FABP7: variants seen among roughly 807,000 people sequenced by gnomAD.
The protein encoded by FABP7 is fatty acid-binding protein, brain.
In FABP7, 13 loss-of-function variants were observed where a neutral mutation model predicts 14.2. The ratio of observed to expected loss-of-function variants is 0.91; its 90% CI spans 0.59 to 1.45. The LOEUF (loss-of-function observed/expected upper bound fraction) is 1.45, where lower values mean the gene tolerates loss of function less well. Among genes scored for constraint, FABP7 ranks in the 40% most tolerant of loss-of-function variants. The pLI, the probability that FABP7 is intolerant of heterozygous loss-of-function variation, is 0.00. For missense variants in FABP7, 149 were observed against 157.6 expected (o/e 0.95, Z 0.29); for synonymous variants, 49 against 51.4 (o/e 0.95, Z 0.20).
In FABP7 at chr6:122,780,462, A is replaced by G; in HGVS notation, c.245A>G (p.Lys82Arg). 6.2e-7 allele frequency: 1 copy of G among 1,610,494 alleles called. No homozygotes were observed. Among genetic ancestry groups the G allele is most frequent in the Non-Finnish European group, 8.5e-7 (1 of 1,179,152 alleles). The change falls in exon 2 of 4, where the codon AAG becomes AGG. Residue 82 changes from lysine to arginine, a missense_variant and splice_region_variant. Coordinates refer to ENST00000368444, the MANE Select transcript of FABP7 (RefSeq NM_001446.5). ...ACCACTGCAGATGATAGAAACTGTA[A>G]GGTGAGAAACTGCTTCTTCTTCAGA... Reference protein sequence around the residue: ...DETTADDRNCKSVVSLDGDKL... With the variant: ...DETTADDRNCRSVVSLDGDKL...
At chr6:122,759,964 C>G in the FABP7 span, among the ~76,000 whole-genome samples, 2 of 151,904 alleles carry the variant, frequency 1.3e-5, no homozygotes, top group African/African-American at 4.8e-5. Context: ...ACTAAAAATA[C>G]AAAAATTAGC....
At chr6:122,777,272 G>A (rs1780690363), upstream of FABP7, among the ~76,000 whole-genome samples, 1 of 152,102 alleles carries the variant, frequency 6.6e-6, no homozygotes, top group South Asian at 2.1e-4. Context: ...AACTGTTTGA[G>A]AACATTTACT....
At chr6:122,764,792 G>GTGTT in the FABP7 span, among the ~76,000 whole-genome samples, 1 of 152,138 alleles carries the variant, frequency 6.6e-6, no homozygotes, top group African/African-American at 2.4e-5. Flanking sequence ...TTGCCTTAAA[G>GTGTT]TGTTTGCCAT....
At chr6:122,756,441 A>G in the FABP7 span, among the ~76,000 whole-genome samples, 3 of 152,180 alleles carry the variant, frequency 2.0e-5, no homozygotes, top group Admixed American at 2.0e-4. Context: ...CCAATTAAAA[A>G]GGACTTCCTG....
At chr6:122,757,156 G>A in the FABP7 span, among the ~76,000 whole-genome samples, 29 of 152,122 alleles carry the variant, frequency 1.9e-4, no homozygotes, top group East Asian at 2.1e-3. Flanking sequence ...AAAGTCTACC[G>A]TCTGATATCT....
At chr6:122,763,503 C>T in the FABP7 span, among the ~76,000 whole-genome samples, 1 of 152,074 alleles carries the variant, frequency 6.6e-6, no homozygotes, top group Non-Finnish European at 1.5e-5. Context: ...ACTAAAATAC[C>T]AAAAGCAATG....
At chr6:122,772,776 T>A in the FABP7 span, among the ~76,000 whole-genome samples, 1 of 152,158 alleles carries the variant, frequency 6.6e-6, no homozygotes, top group African/African-American at 2.4e-5. Context: ...AATAGACAGA[T>A]AATTCACTCA....
chr6:122,780,828 A>G (rs554871916), intron 2 of FABP7, among the ~76,000 whole-genome samples: 202 of 152,324 alleles, frequency 1.3e-3, no homozygotes, highest in Non-Finnish European at 2.3e-3. Context: ...GGCTTTCTTT[A>G]GAGGGACGAC....
At chr6:122,783,498 A>G in intron 3 of FABP7, 1 of 985,460 alleles carries the variant, frequency 1.0e-6, no homozygotes, top group African/African-American at 1.7e-5. Context: ...ACTTGAATCT[A>G]AAGTGCTAAT....
upstream of FABP7, among the ~76,000 whole-genome samples, chr6:122,777,040 G>A (rs781189960): frequency 2.0e-5 from 3 of 152,252 alleles, no homozygotes; most frequent in Non-Finnish European, 4.4e-5. Flanking sequence ...TTTATCTAGA[G>A]AGTGGAAGAA....
upstream of FABP7, among the ~76,000 whole-genome samples, chr6:122,776,792 C>T (rs1388071924): frequency 1.3e-5 from 2 of 152,138 alleles, no homozygotes; most frequent in Non-Finnish European, 2.9e-5. Flanking sequence ...TAAATATGCA[C>T]AACTATTATG....
upstream of FABP7, among the ~76,000 whole-genome samples, chr6:122,777,704 C>T (rs1279843318): frequency 2.0e-5 from 3 of 151,890 alleles, no homozygotes; most frequent in Non-Finnish European, 4.4e-5. Context: ...AAAAAAATAG[C>T]CAGGCATAAT....
At chr6:122,770,840 A>T in the FABP7 span, among the ~76,000 whole-genome samples, 14 of 152,152 alleles carry the variant, frequency 9.2e-5, no homozygotes, top group Non-Finnish European at 1.9e-4. Flanking sequence ...TGTGTGATGG[A>T]TGGGGTGTGG....
the FABP7 span, among the ~76,000 whole-genome samples, chr6:122,753,799 A>AC: frequency 1.1e-4 from 1 of 9,428 alleles, no homozygotes; most frequent in Admixed American, 1.3e-3. Flanking sequence ...CCCCCCGCCC[A>AC]CAGAAGTTTT....
In FABP7 at chr6:122,780,287, T is replaced by C. The variant is rs764085316; in HGVS notation, c.74-4T>C. ...AGACTGTACTGTTCCCTTTGCTATT[T>C]TAGGCGTGGGCTTTGCCACTAGGCA... On this transcript the variant is annotated splice_polypyrimidine_tract_variant and splice_region_variant and intron_variant, in intron 1 of 3. Transcript: ENST00000368444. The C allele has an allele frequency of 6.2e-7, 1 of 1,614,000 alleles. No individual in the cohort carries two copies. Among genetic ancestry groups the C allele is most frequent in the South Asian group, 1.1e-5 (1 of 91,020 alleles).
At chr6:122,753,703 A>C in the FABP7 span, among the ~76,000 whole-genome samples, 1 of 152,012 alleles carries the variant, frequency 6.6e-6, no homozygotes, top group African/African-American at 2.4e-5. Context: ...ATTGAAAATG[A>C]AAGTACACTC....
At chr6:122,749,381 C>A in the FABP7 span, among the ~76,000 whole-genome samples, 1 of 152,052 alleles carries the variant, frequency 6.6e-6, no homozygotes, top group Non-Finnish European at 1.5e-5. Flanking sequence ...TATGATGCTG[C>A]CTACATTTAT....
At chr6:122,778,770 T>G (rs1780715300), upstream of FABP7, among the ~76,000 whole-genome samples, 1 of 152,170 alleles carries the variant, frequency 6.6e-6, no homozygotes, top group South Asian at 2.1e-4. Context: ...TTCCTGCCCT[T>G]CCCCATCACT....
At chr6:122,776,406 A>C (rs541831806), upstream of FABP7, among the ~76,000 whole-genome samples, 1 of 152,274 alleles carries the variant, frequency 6.6e-6, no homozygotes, top group South Asian at 2.1e-4. Context: ...ATTAAACGAA[A>C]TAAGCCATGC....
Sources: allele counts gnomAD v4.1 joint callset (sites outside exome capture counted in the v4.1 genomes callset), GRCh38; gene constraint gnomAD v4.1.1; transcripts MANE v1.5; gene names NCBI Gene and HGNC (gene_info 2026-07-23, HGNC 2026-07-21).